Variants in CREB3L2 observed in about 807,000 individuals in gnomAD.
The protein encoded by CREB3L2 is cAMP responsive element binding protein 3 like 2.
In CREB3L2, 23 loss-of-function variants were observed where a neutral mutation model predicts 57.2. That is an observed-to-expected ratio of 0.40 (90% CI 0.29 to 0.57). The LOEUF is 0.57. Among genes scored for constraint, CREB3L2 ranks in the 20% least tolerant of loss-of-function variants. The pLI, the probability that CREB3L2 is intolerant of heterozygous loss-of-function variation, is 0.42. For synonymous variants in CREB3L2, 268 were observed against 265.1 expected, an observed-to-expected ratio of 1.01 and a Z score of -0.11; for missense variants, 628 against 634.7, an observed-to-expected ratio of 0.99 and a Z score of 0.11.
intron 3 of CREB3L2, 111 bp from the exon 4 acceptor site, chr7:137,913,189 C>T: frequency 1.8e-6 from 2 of 1,097,352 alleles, no homozygotes; most frequent in Non-Finnish European, 2.6e-6. Flanking sequence ...CCCTGCCTAT[C>T]CTGGAGAATA....
At chr7:137,967,606 A>C (rs1801430297) in intron 1 of CREB3L2, among the ~76,000 whole-genome samples, 1 of 152,166 alleles carries the variant, frequency 6.6e-6, no homozygotes, top group Admixed American at 6.5e-5. Context: ...TATTGATTTG[A>C]ACCTGATCAG....
intron 1 of CREB3L2, among the ~76,000 whole-genome samples, chr7:137,983,577 T>G (rs1398735549): frequency 6.6e-6 from 1 of 152,250 alleles, no homozygotes; most frequent in African/African-American, 2.4e-5. Context: ...AGCTGCTGAC[T>G]CTCACTTAGT....
At chr7:137,937,423 A>G (rs1800809440) in intron 1 of CREB3L2, among the ~76,000 whole-genome samples, 6 of 152,192 alleles carry the variant, frequency 3.9e-5, no homozygotes, top group Admixed American at 3.9e-4. Context: ...CCTTGCAGGG[A>G]GAGAAGGGAC....
chr7:137,954,468 CT>C (rs1801168476), intron 1 of CREB3L2, among the ~76,000 whole-genome samples: 1 of 152,142 alleles, frequency 6.6e-6, no homozygotes, highest in Non-Finnish European at 1.5e-5. Context: ...ATGGCCACGG[CT>C]TTCTATTTTC....
At position 137,877,134 on chromosome 7, in the gene CREB3L2, C is replaced by A; in HGVS notation, c.*3342G>T. 4.4e-6 allele frequency: 1 copy of A among 228,738 alleles called. No homozygotes were observed. The highest frequency in any genetic ancestry group is 6.2e-5 in the East Asian group (1 of 16,112). The allele number at this position is 228,738 out of a possible 1,614,324, so 14.2% of individuals were successfully genotyped here. On this transcript the variant is annotated 3_prime_UTR_variant, in exon 12 of 12. Coordinates refer to ENST00000330387, the MANE Select transcript of CREB3L2 (RefSeq NM_194071.4). ...AAGAAGAGCCAATTCAACATCCCAA[C>A]TTTACGGGCACGTAAGATTCACAAG...
At chr7:137,882,704 C>A in intron 10 of CREB3L2, 76 bp from the exon 11 acceptor site, 1 of 1,024,298 alleles carries the variant, frequency 9.8e-7, no homozygotes, top group Non-Finnish European at 1.4e-6. Context: ...TCCAGGTGCT[C>A]AGGGCTGGTG....
intron 8 of CREB3L2, among the ~76,000 whole-genome samples, chr7:137,896,904 A>T (rs1799638497): frequency 6.6e-6 from 1 of 152,216 alleles, no homozygotes; most frequent in Non-Finnish European, 1.5e-5. Flanking sequence ...ATCTAAAGAA[A>T]AATTTAAGTC....
At chr7:137,917,454 G>A (rs777787506) in intron 2 of CREB3L2, among the ~76,000 whole-genome samples, 4 of 152,268 alleles carry the variant, frequency 2.6e-5, no homozygotes, top group South Asian at 2.1e-4. Flanking sequence ...GCAAAGACAC[G>A]CTCCTTTGCT....
At chr7:137,893,652 T>C (rs529390432) in intron 8 of CREB3L2, among the ~76,000 whole-genome samples, 3 of 152,278 alleles carry the variant, frequency 2.0e-5, no homozygotes, top group African/African-American at 4.8e-5. Flanking sequence ...CAAAACCCAG[T>C]AGACTTGGCT....
chr7:137,889,749 T>C (rs759540302), intron 8 of CREB3L2, among the ~76,000 whole-genome samples: 7 of 152,158 alleles, frequency 4.6e-5, no homozygotes, highest in Non-Finnish European at 7.3e-5. Context: ...CCAATAGAGT[T>C]TGGGAAATTC....
chr7:137,949,638 C>T (rs189307758), intron 1 of CREB3L2, among the ~76,000 whole-genome samples: 1 of 152,010 alleles, frequency 6.6e-6, no homozygotes, highest in Non-Finnish European at 1.5e-5. Context: ...CTAACACAGA[C>T]GTAAAGCTTG....
rs1799693963 is a variant in CREB3L2 at position 137,899,115 on chromosome 7, A to AGGAAGGAAGGAAGGAAGGAAGGAG, written c.1043+2238_1043+2239insCTCCTTCCTTCCTTCCTTCCTTCC. ...GGAAAGAGAAGGAAGGAAGGAAGGA[A>AGGAAGGAAGGAAGGAAGGAAGGAG]GGAAGGAAGGAAGGAAGGAAGGAAG... On this transcript the variant is annotated intron_variant, in intron 8 of 11. Transcript: ENST00000330387. 1.0e-4 allele frequency among the ~76,000 whole-genome samples: 9 copies of AGGAAGGAAGGAAGGAAGGAAGGAG among 89,612 alleles called. 1 individual carries two copies. The highest frequency in any genetic ancestry group is 3.6e-4 in the African/African-American group (9 of 25,218). 58.8% of individuals were successfully genotyped at this position (89,612 alleles called of 152,430 possible). A position where few individuals can be genotyped will look rare whatever the true frequency, so the allele number is the denominator to read the frequency against.
rs536329800 is a variant in CREB3L2, at chr7:137,878,905, G to C, written c.*1571C>G. The stretch of plus-strand genomic sequence containing the variant: ...AGGCTCCAATAACAATGCAGATGAC[G>C]TGTGTGGGGGTGGGTGGTGGGGGGA... On this transcript the variant is annotated 3_prime_UTR_variant, in exon 12 of 12. Transcript: ENST00000330387. 5.1e-6 allele frequency: 2 copies of C among 392,856 alleles called. No homozygotes were observed. Among genetic ancestry groups the C allele is most frequent in the East Asian group, 4.6e-5 (1 of 21,860 alleles). 24.3% of individuals were successfully genotyped at this position (392,856 alleles called of 1,614,324 possible).
At chr7:137,920,725 T>C (rs959053072) in intron 2 of CREB3L2, among the ~76,000 whole-genome samples, 10 of 152,266 alleles carry the variant, frequency 6.6e-5, no homozygotes, top group Non-Finnish European at 1.2e-4. Flanking sequence ...TCAGACCTAC[T>C]AGTTACATCA....
chr7:137,922,665 T>A (rs1217572552), intron 2 of CREB3L2: 1 of 447,480 alleles, frequency 2.2e-6, no homozygotes, highest in Non-Finnish European at 4.5e-6. Context: ...ACAAGCAGAT[T>A]TTTTTCAAAT....
intron 2 of CREB3L2, among the ~76,000 whole-genome samples, chr7:137,923,165 T>G (rs1366566383): frequency 6.6e-6 from 1 of 152,224 alleles, no homozygotes; most frequent in African/African-American, 2.4e-5. Context: ...ATGACTCTCA[T>G]GTATGAATAT....
At chr7:137,994,726 C>T (rs1389932975) in intron 1 of CREB3L2, among the ~76,000 whole-genome samples, 1 of 152,140 alleles carries the variant, frequency 6.6e-6, no homozygotes, top group Non-Finnish European at 1.5e-5. Context: ...CAGAGGATCC[C>T]TTGAGCCCAG....
chr7:137,915,387 A>G (rs1419067104), intron 3 of CREB3L2, among the ~76,000 whole-genome samples: 2 of 152,086 alleles, frequency 1.3e-5, no homozygotes, highest in African/African-American at 4.8e-5. Flanking sequence ...TACGTGGGAC[A>G]TTCCTGACTT....
intron 1 of CREB3L2, among the ~76,000 whole-genome samples, chr7:137,974,461 G>C (rs1053099022): frequency 6.6e-6 from 1 of 152,194 alleles, no homozygotes; most frequent in African/African-American, 2.4e-5. Flanking sequence ...ATCTTAAAAA[G>C]GGGAAGGGGA....
Sources: gnomAD v4.1 joint callset for allele counts (sites outside exome capture counted in the v4.1 genomes callset) on GRCh38, gnomAD v4.1.1 for gene constraint, MANE v1.5 for transcripts, NCBI Gene and HGNC (gene_info 2026-07-23, HGNC 2026-07-21) for gene names.